Variants in CPVL observed in about 807,000 individuals in gnomAD.
CPVL encodes the protein probable serine carboxypeptidase CPVL.
In CPVL, 51 loss-of-function variants were observed where a neutral mutation model predicts 63.7. The observed-to-expected ratio is 0.80, with a 90% CI of 0.64 to 1.01. The LOEUF (loss-of-function observed/expected upper bound fraction) is 1.01. Ranked by LOEUF, CPVL falls within the 50% of genes least tolerant of loss-of-function variation. The pLI is 0.00. For missense variants in CPVL, 530 were observed against 573.1 expected, an observed-to-expected ratio of 0.92 and a Z score of 0.77; for synonymous variants, 195 against 206.0, an observed-to-expected ratio of 0.95 and a Z score of 0.46.
At chr7:29,025,837 A>G (rs1391974044) in intron 12 of CPVL, among the ~76,000 whole-genome samples, 3 of 152,226 alleles carry the variant, frequency 2.0e-5, no homozygotes, top group Non-Finnish European at 4.4e-5. Flanking sequence ...ATAGTATTGG[A>G]TCTAAAGGGA....
intron 3 of CPVL, among the ~76,000 whole-genome samples, chr7:29,098,063 G>C (rs548260823): frequency 6.6e-6 from 1 of 152,296 alleles, no homozygotes; most frequent in South Asian, 2.1e-4. Context: ...TGGATGGTTA[G>C]TCAGCAAGGA....
rs562687458 is a variant in CPVL, at chr7:29,092,773, C to T, written c.463-71G>A. 1.4e-5 allele frequency: 15 copies of T among 1,087,500 alleles called. No individual in the cohort carries two copies. The South Asian group carries it at 1.9e-4, about 14-fold the overall frequency. The allele number at this position is 1,087,500 out of a possible 1,614,324, so 67.4% of individuals were successfully genotyped here. A position where few individuals can be genotyped will look rare whatever the true frequency, so the allele number is the denominator to read the frequency against. ...GCCTTAGGGACCTGCAGAGAGGTCCCACACTGGAAGGTGACCTTGTTCCAA... is the reference window on the plus strand; with the variant it reads ...GCCTTAGGGACCTGCAGAGAGGTCCTACACTGGAAGGTGACCTTGTTCCAA... On this transcript the variant is annotated intron_variant, in intron 5 of 12. Transcript: ENST00000265394.
In CPVL at chr7:29,066,139, GAGAA is replaced by G. The variant is rs542606629; in HGVS notation, c.865-22_865-19del. 3.6e-4 allele frequency: 442 copies of G among 1,224,132 alleles called. No individual in the cohort carries two copies. Among genetic ancestry groups the G allele is most frequent in the Admixed American group, 6.0e-4 (30 of 50,128 alleles). The allele number at this position is 1,224,132 out of a possible 1,614,324, so 75.8% of individuals were successfully genotyped here. ...TCCAGTATCTAGGTTGGGAGAGAGGGAGAAAGAAAGAAAGAAAGAAAACATCAGT... is the reference window on the plus strand; with the variant it reads ...TCCAGTATCTAGGTTGGGAGAGAGGGAGAAAGAAAGAAAGAAAACATCAGT... On this transcript the variant is annotated intron_variant, in intron 9 of 12. Transcript: ENST00000265394.
rs369231147 is a variant in CPVL, at chr7:29,175,492, A to G, written c.-11+5798T>C. ...TGCCTGGCTGAGAGCTGATGATTTTATAAGGCATTTCCCCTTTCACTTGGC... is the reference window on the plus strand; with the variant it reads ...TGCCTGGCTGAGAGCTGATGATTTTGTAAGGCATTTCCCCTTTCACTTGGC... On this transcript the variant is annotated intron_variant, in intron 5 of 16. Transcript: ENST00000409850. 1.3e-4 allele frequency among the ~76,000 whole-genome samples: 20 copies of G among 152,114 alleles called. 2 individuals carry two copies. Among genetic ancestry groups the G allele is most frequent in the African/African-American group, 4.8e-4 (20 of 41,500 alleles).
At chr7:29,126,265 A>G (rs1286483443) in intron 1 of CPVL, 1 of 152,180 alleles carries the variant, frequency 6.6e-6, no homozygotes, top group Non-Finnish European at 1.5e-5. Flanking sequence ...GAAATCAACT[A>G]TGGTAGGAGT....
At chr7:29,037,741 G>A (rs1788691434) in intron 11 of CPVL, among the ~76,000 whole-genome samples, 1 of 152,210 alleles carries the variant, frequency 6.6e-6, no homozygotes, top group Non-Finnish European at 1.5e-5. Flanking sequence ...ACTGCACCAG[G>A]CACGCCACTG....
intron 1 of CPVL, chr7:29,128,220 C>T (rs1430364301): frequency 3.5e-5 from 5 of 143,700 alleles, no homozygotes; most frequent in African/African-American, 1.3e-4. Flanking sequence ...AAGATCAGCT[C>T]TCTTGGATCT....
chr7:29,070,293 G>A (rs1783613158), intron 9 of CPVL, among the ~76,000 whole-genome samples: 2 of 152,158 alleles, frequency 1.3e-5, no homozygotes, highest in South Asian at 4.1e-4. Context: ...AATCCTGTAG[G>A]TGTTTAGCCT....
intron 2 of CPVL, 71 bp downstream of exon 2, chr7:29,120,818 CAAAA>C (rs375039373): frequency 5.5e-3 from 5,379 of 979,282 alleles, no homozygotes; most frequent in Middle Eastern, 6.4e-3. Flanking sequence ...GACTTCGTCT[CAAAA>C]AAAAAAAAAA....
chr7:29,067,182 A>C (rs1472548951), intron 9 of CPVL, among the ~76,000 whole-genome samples: 1 of 152,196 alleles, frequency 6.6e-6, no homozygotes, highest in Non-Finnish European at 1.5e-5. Context: ...TCAGCAGCTA[A>C]GATGAGGAGG....
chr7:29,010,638 G>A (rs1227354610), intron 12 of CPVL: 1 of 152,112 alleles, frequency 6.6e-6, no homozygotes, highest in Non-Finnish European at 1.5e-5. Flanking sequence ...AGACAATATT[G>A]AACTCATTTC....
chr7:29,069,951 T>G (rs1783580840), intron 9 of CPVL, among the ~76,000 whole-genome samples: 2 of 152,208 alleles, frequency 1.3e-5, no homozygotes, highest in Non-Finnish European at 1.5e-5. Flanking sequence ...TTTATCATTT[T>G]AGGCTTGAGA....
intron 3 of CPVL, among the ~76,000 whole-genome samples, chr7:29,106,062 GAGA>G (rs1455122035): frequency 6.6e-6 from 1 of 152,284 alleles, no homozygotes; most frequent in African/African-American, 2.4e-5. Context: ...CTGAGTAGCT[GAGA>G]AGTTCACTGA....
chr7:29,068,852 G>A (rs1229548452), intron 9 of CPVL, among the ~76,000 whole-genome samples: 4 of 151,384 alleles, frequency 2.6e-5, no homozygotes, highest in East Asian at 2.0e-4. Context: ...CCGCCACTAC[G>A]CCCGGCTAAC....
At chr7:29,087,799 A>G (rs946683427) in intron 6 of CPVL, among the ~76,000 whole-genome samples, 5 of 152,250 alleles carry the variant, frequency 3.3e-5, no homozygotes, top group African/African-American at 1.2e-4. Context: ...GATCCTAGCT[A>G]TATTTAATTT....
intron 12 of CPVL, among the ~76,000 whole-genome samples, chr7:29,004,883 T>C (rs1785018356): frequency 6.8e-6 from 1 of 147,936 alleles, no homozygotes; most frequent in African/African-American, 2.5e-5. Context: ...CAAATATGTC[T>C]TTTTTTTCTT....
chr7:29,041,784 T>C (rs1789116881), intron 11 of CPVL, among the ~76,000 whole-genome samples: 1 of 152,152 alleles, frequency 6.6e-6, no homozygotes, highest in Non-Finnish European at 1.5e-5. Context: ...GCATCTAAGA[T>C]ACACACAGGA....
chr7:29,045,143 T>C (rs1270244469), intron 11 of CPVL, among the ~76,000 whole-genome samples: 3 of 152,170 alleles, frequency 2.0e-5, no homozygotes, highest in African/African-American at 7.2e-5. Context: ...CATGTGAACA[T>C]TTCATCTAAC....
chr7:29,158,020 C>T (rs193072867), intron 5 of CPVL, among the ~76,000 whole-genome samples: 206 of 152,168 alleles, frequency 1.4e-3, no homozygotes, highest in African/African-American at 4.8e-3. Context: ...TATCATTTAG[C>T]CCAGAAAAGG....
Sources: allele counts gnomAD v4.1 joint callset (sites outside exome capture counted in the v4.1 genomes callset), GRCh38; gene constraint gnomAD v4.1.1; transcripts MANE v1.5; gene names NCBI Gene and HGNC (gene_info 2026-07-23, HGNC 2026-07-21).